Variants in ZNF576 observed in about 807,000 individuals in gnomAD.
ZNF576 encodes zinc finger protein 576.
ZNF576 carries 9 observed loss-of-function variants against 10.8 expected under a neutral mutation model. The observed-to-expected ratio is 0.84, with a 90% CI of 0.50 to 1.46. ZNF576 has a LOEUF of 1.46. Ranked by LOEUF, ZNF576 falls within the 40% of genes most tolerant of loss-of-function variation. ZNF576 has a pLI of 0.00. For missense variants in ZNF576, 191 were observed against 233.7 expected (o/e 0.82, Z 1.19); for synonymous variants, 88 against 89.6 (o/e 0.98, Z 0.10).
At chr19:43,598,416 A>G (rs1243407955) in intron 2 of ZNF576, among the ~76,000 whole-genome samples, 4 of 152,140 alleles carry the variant, frequency 2.6e-5, no homozygotes, top group Non-Finnish European at 5.9e-5. Context: ...ATTCCTTCCA[A>G]CGGTCCTATG....
At position 43,598,985 on chromosome 19, in the gene ZNF576, C is replaced by A. The variant is rs1447941415; in HGVS notation, c.240C>A (p.Phe80Leu). 2 of 1,614,194 alleles carry A rather than the reference C, an allele frequency of 1.2e-6. No homozygotes were observed. The highest frequency in any genetic ancestry group is 2.2e-5 in the South Asian group (2 of 91,088). ...TCTGCTTCACCTGCGCCCGCTCCTT[C>A]CCCTCCTCCAAAGCCCTAATCACCC... The part of the protein sequence containing the change: ...LFICFTCARS[F>L]PSSKALITHQ... The change falls in exon 3 of 3, where the codon TTC becomes TTA. Residue 80 changes from phenylalanine to leucine, a missense_variant. Phe to Leu is a conservative substitution (Grantham distance 22, BLOSUM62 0). Transcript: ENST00000336564.
rs1439148150 is a variant in ZNF576, at chr19:43,597,193, T to A, written c.85T>A (p.Cys29Ser). 3.1e-6 allele frequency: 5 copies of A among 1,613,732 alleles called. No individual in the cohort carries two copies. In the South Asian group the frequency reaches 4.4e-5, roughly 14 times the overall value. Residue 29 changes from cysteine to serine, a missense_variant and splice_region_variant, in exon 2 of 3, where the codon TGC becomes AGC. Transcript: ENST00000336564. Reference protein sequence around the residue: ...RSPQSPGGNICHLGAPKCTRC... With the variant: ...RSPQSPGGNISHLGAPKCTRC... ...TCCCCAGAGCCCAGGAGGCAACATC[T>A]GTGAGTACACATGGCTGGCGGGCTA...
In ZNF576 at chr19:43,599,365, C is replaced by T. The variant is rs556695729; in HGVS notation, c.*107C>T. On this transcript the variant is annotated 3_prime_UTR_variant, in exon 3 of 3. Transcript: ENST00000336564. The stretch of plus-strand genomic sequence containing the variant: ...GGGGCCCTGAAGGATTTGCTTCCCT[C>T]CCCTGGGAAGGCAGAGGGCTCTTAA... 2.0e-4 allele frequency: 235 copies of T among 1,197,924 alleles called. No homozygotes were observed. The highest frequency in any genetic ancestry group is 2.5e-4 in the Non-Finnish European group (216 of 869,710). 74.2% of individuals were successfully genotyped at this position (1,197,924 alleles called of 1,614,324 possible).
At position 43,598,970 on chromosome 19, in the gene ZNF576, C is replaced by G. The variant is rs779121306; in HGVS notation, c.225C>G (p.Thr75=). 6.2e-6 allele frequency: 10 copies of G among 1,614,040 alleles called. No individual in the cohort carries two copies. The highest frequency in any genetic ancestry group is 8.5e-6 in the Non-Finnish European group (10 of 1,179,994). ...AGGGGGTCCTCTTCATCTGCTTCAC[C>G]TGCGCCCGCTCCTTCCCCTCCTCCA... The part of the protein sequence containing the change: ...KLQGVLFICF[T]CARSFPSSKA... Residue 75 remains threonine, a synonymous_variant, in exon 3 of 3, where the codon ACC becomes ACG. Transcript: ENST00000336564.
At chr19:43,598,085 G>A (rs1568530557) in intron 2 of ZNF576, among the ~76,000 whole-genome samples, 1 of 152,208 alleles carries the variant, frequency 6.6e-6, no homozygotes, top group African/African-American at 2.4e-5. Flanking sequence ...CCAGAAGGAG[G>A]AAGGAAGGAG....
chr19:43,597,278 C>T, intron 2 of ZNF576, 85 bp downstream of exon 2: 1 of 1,280,930 alleles, frequency 7.8e-7, no homozygotes, highest in South Asian at 1.2e-5. Context: ...GTGTCCAAGG[C>T]GCCACAGAGT....
rs1258160741 is a variant in ZNF576, at chr19:43,601,122, G to T, written c.*1864G>T. The stretch of plus-strand genomic sequence containing the variant: ...AACAGAATTTACAGCCTAAGACAGG[G>T]GTCTGCAAACTATGGCCAACTCTAG... On this transcript the variant is annotated 3_prime_UTR_variant, in exon 3 of 3. Transcript: ENST00000336564. 5.3e-5 allele frequency: 8 copies of T among 152,116 alleles called. No individual in the cohort carries two copies. The highest frequency in any genetic ancestry group is 5.2e-4 in the Admixed American group (8 of 15,272). The allele number at this position is 152,116 out of a possible 1,614,324, so 9.4% of individuals were successfully genotyped here. A position where few individuals can be genotyped will look rare whatever the true frequency, so the allele number is the denominator to read the frequency against.
At chr19:43,598,388 C>T (rs1446022611) in intron 2 of ZNF576, among the ~76,000 whole-genome samples, 1 of 152,198 alleles carries the variant, frequency 6.6e-6, no homozygotes, top group Non-Finnish European at 1.5e-5. Context: ...TTGCAAATGA[C>T]TGTACAGCAA....
In ZNF576 at chr19:43,599,120, TTCTC is replaced by T. The variant is rs762481429; in HGVS notation, c.377_380del (p.Ser126Ter). The T allele has an allele frequency of 1.2e-6, 2 of 1,614,236 alleles. No individual in the cohort carries two copies. The highest frequency in any genetic ancestry group is 4.5e-5 in the East Asian group (2 of 44,890). On this transcript the variant is annotated frameshift_variant, in exon 3 of 3. Transcript: ENST00000336564. LOFTEE classifies it high-confidence loss of function. ...GTGGCAAGACCTTTGGGCAGGCTGT[TTCTC>T]TGAGGCGGCACCGCCAGATGCATGA...
At position 43,598,979 on chromosome 19, in the gene ZNF576, C is replaced by T. The variant is rs768721636; in HGVS notation, c.234C>T (p.Arg78=). 1 of 1,614,176 alleles carries T rather than the reference C, an allele frequency of 6.2e-7. No individual in the cohort carries two copies. The highest frequency in any genetic ancestry group is 1.1e-5 in the South Asian group (1 of 91,086). The change falls in exon 3 of 3, where the codon CGC becomes CGT. Residue 78 remains arginine, a synonymous_variant. Coordinates refer to ENST00000336564, the MANE Select transcript of ZNF576 (RefSeq NM_001145347.2). ...TCTTCATCTGCTTCACCTGCGCCCGCTCCTTCCCCTCCTCCAAAGCCCTAA... is the reference window on the plus strand; with the variant it reads ...TCTTCATCTGCTTCACCTGCGCCCGTTCCTTCCCCTCCTCCAAAGCCCTAA... The part of the protein sequence containing the change: ...GVLFICFTCA[R]SFPSSKALIT...
chr19:43,597,167 G>A lies in ZNF576; in HGVS notation c.59G>A (p.Ser20Asn), dbSNP rs114240382. Residue 20 changes from serine to asparagine, a missense_variant, in exon 2 of 3, where the codon AGT (serine) becomes AAT (asparagine). Ser to Asn is a conservative substitution (Grantham distance 46, BLOSUM62 1). Coordinates refer to ENST00000336564, the MANE Select transcript of ZNF576 (RefSeq NM_001145347.2). ...CAGCAGGATTCACCCAAGGAGAGAA[G>A]TCCCCAGAGCCCAGGAGGCAACATC... is the stretch of plus-strand genomic sequence containing the variant. ...MKQQDSPKER[S>N]PQSPGGNICH... The A allele has an allele frequency of 1.7e-4, 267 of 1,614,134 alleles. No homozygotes were observed. The African/African-American group carries it at 3.2e-3, about 19-fold the overall frequency.
chr19:43,596,681 TCTGGGCGGAAC>T lies in ZNF576; in HGVS notation c.-77_-67del, dbSNP rs1973147521. 1 of 161,032 alleles carries T rather than the reference TCTGGGCGGAAC, an allele frequency of 6.2e-6. No homozygotes were observed. Among genetic ancestry groups the T allele is most frequent in the East Asian group, 1.9e-4 (1 of 5,382 alleles). The allele number at this position is 161,032 out of a possible 1,614,324, so 10.0% of individuals were successfully genotyped here. On this transcript the variant is annotated 5_prime_UTR_variant, in exon 1 of 3. Coordinates refer to ENST00000336564, the MANE Select transcript of ZNF576 (RefSeq NM_001145347.2). ...GCAAGCGCGCGTGGGAGGCGGGGGC[TCTGGGCGGAAC>T]AAAAATCACAGGATGTCAGAGGATG...
At position 43,599,482 on chromosome 19, in the gene ZNF576, C is replaced by G. The variant is rs939960404; in HGVS notation, c.*224C>G. Reference sequence around the variant, plus strand: ...CAGTGAAATCAGATAATAATGAGATCTTTTGTTAAAAAAAAAAAATGGGAA... The same window carrying G: ...CAGTGAAATCAGATAATAATGAGATGTTTTGTTAAAAAAAAAAAATGGGAA... On this transcript the variant is annotated 3_prime_UTR_variant, in exon 3 of 3. Coordinates refer to ENST00000336564, the MANE Select transcript of ZNF576 (RefSeq NM_001145347.2). 4 of 494,764 alleles carry G rather than the reference C, an allele frequency of 8.1e-6. No individual in the cohort carries two copies. Among genetic ancestry groups the G allele is most frequent in the African/African-American group, 6.1e-5 (3 of 49,480 alleles). 30.6% of individuals were successfully genotyped at this position (494,764 alleles called of 1,614,324 possible).
At chr19:43,597,234 C>A in intron 2 of ZNF576, 41 bp downstream of exon 2, 1 of 1,575,088 alleles carries the variant, frequency 6.3e-7, no homozygotes, top group Middle Eastern at 1.7e-4. Flanking sequence ...GGGTGGGGTG[C>A]AGGAGCTGAT....
In ZNF576 at chr19:43,597,970, GGGT is replaced by G. The variant is rs1323631731; in HGVS notation, c.85+782_85+784del. ...AAAACGACACAGGATTTGGGCTTGT[GGGT>G]GGTGATTTTGGGGAAGGTTCAAGCA... is the stretch of plus-strand genomic sequence containing the variant. On this transcript the variant is annotated intron_variant, in intron 2 of 2. Transcript: ENST00000336564. Among the ~76,000 whole-genome samples the G allele has an allele frequency of 4.6e-5, 7 of 152,254 alleles. 1 individual carries two copies. In the Middle Eastern group the frequency reaches 0.01, roughly 222 times the overall value.
chr19:43,597,475 A>C (rs912918201), intron 2 of ZNF576: 1 of 346,892 alleles, frequency 2.9e-6, no homozygotes, highest in Non-Finnish European at 5.5e-6. Context: ...TGTGGCTGGG[A>C]ATGGTTCTAT....
rs917980202 is a variant in ZNF576 at position 43,600,569 on chromosome 19, G to A, written c.*1311G>A. On this transcript the variant is annotated 3_prime_UTR_variant, in exon 3 of 3. Transcript: ENST00000336564. The stretch of plus-strand genomic sequence containing the variant: ...GAACAGTCAAGCTTAAGAAAGGGAC[G>A]GCTGGGCACAGTGGCTCACGCCTGT... 2 of 152,230 alleles carry A rather than the reference G, an allele frequency of 1.3e-5. No homozygotes were observed. Among genetic ancestry groups the A allele is most frequent in the Admixed American group, 1.3e-4 (2 of 15,268 alleles). 9.4% of individuals were successfully genotyped at this position (152,230 alleles called of 1,614,324 possible).
At chr19:43,597,060 C>A in intron 1 of ZNF576, 34 bp from the exon 2 acceptor site, 1 of 1,592,370 alleles carries the variant, frequency 6.3e-7, no homozygotes. Context: ...AACAGATGAA[C>A]AGCTTCACTT....
rs1973187230 is a variant in ZNF576 at position 43,599,455 on chromosome 19, G to T, written c.*197G>T. ...TTTGGAGCACACAGGGCCTTCGTGA[G>T]ACAGTGAAATCAGATAATAATGAGA... On this transcript the variant is annotated 3_prime_UTR_variant, in exon 3 of 3. Transcript: ENST00000336564. 3.6e-6 allele frequency: 2 copies of T among 557,606 alleles called. No individual in the cohort carries two copies. Among genetic ancestry groups the T allele is most frequent in the Non-Finnish European group, 6.2e-6 (2 of 320,950 alleles). 34.5% of individuals were successfully genotyped at this position (557,606 alleles called of 1,614,324 possible).
Sources: allele counts gnomAD v4.1 joint callset (sites outside exome capture counted in the v4.1 genomes callset), GRCh38; gene constraint gnomAD v4.1.1; transcripts MANE v1.5; gene names NCBI Gene and HGNC (gene_info 2026-07-23, HGNC 2026-07-21).